MINDY3: variants seen among roughly 807,000 people sequenced by gnomAD.
MINDY3 encodes ubiquitin carboxyl-terminal hydrolase MINDY-3.
MINDY3 carries 38 observed loss-of-function variants against 69.2 expected under a neutral mutation model. That is an observed-to-expected ratio of 0.55 (90% CI 0.42 to 0.72). The LOEUF (loss-of-function observed/expected upper bound fraction) is 0.72. Ranked by LOEUF, MINDY3 falls within the 30% of genes least tolerant of loss-of-function variation. The pLI, the probability that MINDY3 is intolerant of heterozygous loss-of-function variation, is 0.00. For synonymous variants in MINDY3, 192 were observed against 180.1 expected (o/e 1.07, Z -0.53); for missense variants, 522 against 519.0 (o/e 1.01, Z -0.06).
intron 1 of MINDY3, 152 bp downstream of exon 1, chr10:15,860,054 G>C: frequency 1.6e-6 from 1 of 635,022 alleles, no homozygotes; most frequent in South Asian, 1.8e-5. Flanking sequence ...AGGCAAGGCA[G>C]GGCGTGTCTA....
chr10:15,780,301 A>G (rs926484815), intron 14 of MINDY3, among the ~76,000 whole-genome samples: 1 of 152,216 alleles, frequency 6.6e-6, no homozygotes, highest in Admixed American at 6.5e-5. Context: ...GTAACGTGAA[A>G]TACATTTTTT....
At chr10:15,822,420 T>C (rs1839829419) in intron 8 of MINDY3, among the ~76,000 whole-genome samples, 1 of 152,168 alleles carries the variant, frequency 6.6e-6, no homozygotes, top group African/African-American at 2.4e-5. Flanking sequence ...GAGTTGAATC[T>C]TGAAGCGTAT....
chr10:15,839,430 T>C (rs1833310480), intron 4 of MINDY3, among the ~76,000 whole-genome samples: 1 of 151,674 alleles, frequency 6.6e-6, no homozygotes, highest in South Asian at 2.1e-4. Flanking sequence ...GAGAAAGTAA[T>C]ATTAACAAGA....
Position 15,831,873 on chromosome 10 carries a change from A to C in MINDY3, c.730+1757T>G, listed in dbSNP as rs144559410. Among the ~76,000 whole-genome samples the C allele has an allele frequency of 5.5e-3, 837 of 152,022 alleles. 5 individuals carry two copies. The highest frequency in any genetic ancestry group is 0.019 in the African/African-American group (769 of 41,450). Reference sequence around the variant, plus strand: ...GTATTTCTAGTAGAGACGGGGTTTCACTGTGTTGGCCAGGCTGGTCTCGAA... The same window carrying C: ...GTATTTCTAGTAGAGACGGGGTTTCCCTGTGTTGGCCAGGCTGGTCTCGAA... On this transcript the variant is annotated intron_variant, in intron 8 of 14. Transcript: ENST00000277632.
At chr10:15,848,809 G>A (rs1182575035) in intron 1 of MINDY3, among the ~76,000 whole-genome samples, 1 of 152,180 alleles carries the variant, frequency 6.6e-6, no homozygotes, top group Non-Finnish European at 1.5e-5. Context: ...AGAACCCAGT[G>A]ACCATCTGGA....
At chr10:15,848,520 G>C (rs1834014053) in intron 1 of MINDY3, among the ~76,000 whole-genome samples, 1 of 150,842 alleles carries the variant, frequency 6.6e-6, no homozygotes, top group Admixed American at 6.7e-5. Context: ...TGTAGTCCCA[G>C]CTACTCGGGA....
At chr10:15,828,510 T>G (rs149283158) in intron 8 of MINDY3, among the ~76,000 whole-genome samples, 31 of 152,034 alleles carry the variant, frequency 2.0e-4, no homozygotes, top group African/African-American at 5.8e-4. Flanking sequence ...GAGAAAATAT[T>G]TAAAATACTG....
intron 1 of MINDY3, among the ~76,000 whole-genome samples, chr10:15,852,320 A>C (rs1049023081): frequency 6.6e-6 from 1 of 152,156 alleles, no homozygotes; most frequent in African/African-American, 2.4e-5. Flanking sequence ...TAGGAATACC[A>C]AGTTCAGTCT....
chr10:15,835,348 C>A (rs1833003788), intron 6 of MINDY3, among the ~76,000 whole-genome samples: 1 of 152,018 alleles, frequency 6.6e-6, no homozygotes. Flanking sequence ...TTAACTTTAG[C>A]CATTGTTTCT....
intron 10 of MINDY3, among the ~76,000 whole-genome samples, chr10:15,799,984 CA>C (rs1838143881): frequency 6.6e-6 from 1 of 152,088 alleles, no homozygotes. Flanking sequence ...CAGATTCCTT[CA>C]AAGAACTAAG....
At chr10:15,860,009 C>T (rs1834981563) in intron 1 of MINDY3, among the ~76,000 whole-genome samples, 197 bp downstream of exon 1, 1 of 152,234 alleles carries the variant, frequency 6.6e-6, no homozygotes, top group Non-Finnish European at 1.5e-5. Context: ...TTAGTGGCAG[C>T]TGTAACCATT....
chr10:15,794,105 A>G (rs1361183719), intron 11 of MINDY3, among the ~76,000 whole-genome samples: 1 of 152,018 alleles, frequency 6.6e-6, no homozygotes, highest in East Asian at 1.9e-4. Context: ...AAAGATATAA[A>G]AATACTCCTG....
chr10:15,808,750 GCA>G (rs1838800574), intron 10 of MINDY3, among the ~76,000 whole-genome samples: 1 of 152,072 alleles, frequency 6.6e-6, no homozygotes, highest in South Asian at 2.1e-4. Context: ...GTGAGGTTCC[GCA>G]CACACATAGA....
chr10:15,860,137 G>A, intron 1 of MINDY3, 69 bp downstream of exon 1: 2 of 1,141,684 alleles, frequency 1.8e-6, no homozygotes, highest in Non-Finnish European at 2.6e-6. Flanking sequence ...GGAGCGAGAG[G>A]CGTCACAGGC....
intron 2 of MINDY3, among the ~76,000 whole-genome samples, chr10:15,846,711 C>A (rs1211659128): frequency 6.7e-6 from 1 of 149,078 alleles, no homozygotes; most frequent in East Asian, 1.9e-4. Flanking sequence ...TTGTAGCCAA[C>A]AGTTTAGGAA....
At chr10:15,818,317 T>TAAA (rs75890684) in intron 9 of MINDY3, among the ~76,000 whole-genome samples, 7 of 135,506 alleles carry the variant, frequency 5.2e-5, no homozygotes, top group African/African-American at 1.6e-4. Flanking sequence ...AAGGTAGAAG[T>TAAA]AAAAAAAAAA....
At chr10:15,821,998 TGA>T (rs1274797647) in intron 8 of MINDY3, among the ~76,000 whole-genome samples, 2 of 152,134 alleles carry the variant, frequency 1.3e-5, no homozygotes, top group Non-Finnish European at 2.9e-5. Flanking sequence ...ACTTTTTAAA[TGA>T]GAGAATTTAC....
At chr10:15,799,383 G>A (rs952344884) in intron 10 of MINDY3, among the ~76,000 whole-genome samples, 1 of 151,926 alleles carries the variant, frequency 6.6e-6, no homozygotes, top group African/African-American at 2.4e-5. Flanking sequence ...ATTTTTAGTA[G>A]AGACCGGGTT....
At chr10:15,837,438 G>T in intron 5 of MINDY3, 120 bp from the exon 6 acceptor site, 1 of 1,256,742 alleles carries the variant, frequency 8.0e-7, no homozygotes, top group Non-Finnish European at 1.1e-6. Context: ...GAAAGTTTTG[G>T]GACGTTTCTA....
Sources: gnomAD v4.1 joint callset for allele counts (sites outside exome capture counted in the v4.1 genomes callset) on GRCh38, gnomAD v4.1.1 for gene constraint, MANE v1.5 for transcripts, NCBI Gene and HGNC (gene_info 2026-07-23, HGNC 2026-07-21) for gene names.